SYN3: variants seen among roughly 807,000 people sequenced by gnomAD.
The protein encoded by SYN3 is synapsin-3.
Under a neutral mutation model 65.8 loss-of-function variants are expected in SYN3, and 35 were observed. The ratio of observed to expected loss-of-function variants is 0.53; its 90% CI spans 0.41 to 0.70. The LOEUF (loss-of-function observed/expected upper bound fraction) is 0.70, where lower values mean the gene tolerates loss of function less well. SYN3 is among the 30% of genes least tolerant of loss of function. SYN3 has a pLI of 0.00. For synonymous variants in SYN3, 270 were observed against 292.9 expected, an observed-to-expected ratio of 0.92 and a Z score of 0.80; for missense variants, 680 against 749.0, an observed-to-expected ratio of 0.91 and a Z score of 1.08.
At chr22:32,972,965 C>T (rs991981918) in intron 3 of SYN3, among the ~76,000 whole-genome samples, 1 of 152,124 alleles carries the variant, frequency 6.6e-6, no homozygotes, top group Non-Finnish European at 1.5e-5. Context: ...ACCATGATTA[C>T]ACCATTGCAC....
At chr22:33,007,906 G>T (rs2053238481) in intron 1 of SYN3, among the ~76,000 whole-genome samples, 1 of 151,880 alleles carries the variant, frequency 6.6e-6, no homozygotes, top group African/African-American at 2.4e-5. Context: ...CATGGAATTA[G>T]ATTTTATATT....
chr22:32,518,239 G>A lies in SYN3; in HGVS notation c.1414C>T (p.Gln472Ter), dbSNP rs150191113. The A allele has an allele frequency of 2.5e-6, 4 of 1,613,582 alleles. No individual in the cohort carries two copies. Among genetic ancestry groups the A allele is most frequent in the Non-Finnish European group, 3.4e-6 (4 of 1,179,862 alleles). Residue 472 changes from glutamine to a stop codon, truncating the protein, a stop_gained, in exon 13 of 14, where the codon CAG becomes TAG. Coordinates refer to ENST00000358763, the MANE Select transcript of SYN3 (RefSeq NM_003490.4). LOFTEE classifies it high-confidence loss of function. The stretch of plus-strand genomic sequence containing the variant: ...CTTTGCTGCTGTGGAGATCCGGACT[G>A]GGGGCTCAGGGGCTGCTGGCCTTGT... Reference protein sequence around the residue: ...SPQGQQPLSPQSGSPQQQRSP... With the variant: ...SPQGQQPLSP
At chr22:32,669,152 C>A (rs894488141) in intron 6 of SYN3, among the ~76,000 whole-genome samples, 4 of 151,904 alleles carry the variant, frequency 2.6e-5, no homozygotes, top group South Asian at 2.1e-4. Context: ...GGATTTGAAA[C>A]CGGGTTCTTA....
Position 32,541,616 on chromosome 22 carries a change from T to C in SYN3, c.872A>G (p.Tyr291Cys). The change falls in exon 8 of 14, where the codon TAC (tyrosine) becomes TGC (cysteine). Residue 291 changes from tyrosine to cysteine, a missense_variant. By Grantham distance (194) the Tyr-to-Cys change is radical. Coordinates refer to ENST00000358763, the MANE Select transcript of SYN3 (RefSeq NM_003490.4). ...ATTEAFIDSK[Y>C]DIRIQKIGSN... ...TCCAATTTTCTGGATGCGGATGTCG[T>C]ACTTGGAGTCGATGAAGGCCTCGGT... 2 of 1,614,082 alleles carry C rather than the reference T, an allele frequency of 1.2e-6. No individual in the cohort carries two copies. Among genetic ancestry groups the C allele is most frequent in the Non-Finnish European group, 1.7e-6 (2 of 1,180,016 alleles).
chr22:32,813,119 G>A (rs1601420647), intron 6 of SYN3, among the ~76,000 whole-genome samples: 3 of 152,286 alleles, frequency 2.0e-5, no homozygotes. Context: ...ACAGAAGCTG[G>A]ATATTTGAGT....
intron 6 of SYN3, among the ~76,000 whole-genome samples, chr22:32,809,356 G>T (rs1308702157): frequency 6.6e-6 from 1 of 152,160 alleles, no homozygotes; most frequent in Non-Finnish European, 1.5e-5. Flanking sequence ...CACTGTTGGG[G>T]TCCCCGTCAG....
At chr22:32,934,861 A>G (rs2050728682) in intron 3 of SYN3, among the ~76,000 whole-genome samples, 1 of 152,162 alleles carries the variant, frequency 6.6e-6, no homozygotes, top group South Asian at 2.1e-4. Flanking sequence ...TCCTTAGAAG[A>G]GAAGAGACGA....
chr22:32,772,897 A>G (rs1486336191), intron 6 of SYN3, among the ~76,000 whole-genome samples: 4 of 152,200 alleles, frequency 2.6e-5, no homozygotes, highest in African/African-American at 9.6e-5. Flanking sequence ...ACTGCGAGAC[A>G]AAAAATCTAG....
Position 32,723,177 on chromosome 22 carries a change from G to T in SYN3, c.712-126441C>A, listed in dbSNP as rs75861766. 2.8e-4 allele frequency among the ~76,000 whole-genome samples: 43 copies of T among 152,324 alleles called. No homozygotes were observed. The East Asian group carries it at 6.9e-3, about 25-fold the overall frequency. On this transcript the variant is annotated intron_variant, in intron 6 of 13. Transcript: ENST00000358763. Reference sequence around the variant, plus strand: ...GCCAGAAAGGTCTTATTTTGAGAGAGCCAGCAGCAAGGGCTCTGGAGCCAG... The same window carrying T: ...GCCAGAAAGGTCTTATTTTGAGAGATCCAGCAGCAAGGGCTCTGGAGCCAG...
chr22:33,020,767 G>C (rs1007525082), intron 1 of SYN3, among the ~76,000 whole-genome samples: 4 of 151,950 alleles, frequency 2.6e-5, no homozygotes, highest in Admixed American at 1.3e-4. Flanking sequence ...TCTGGTGCTG[G>C]ACACAGGTAG....
At chr22:33,039,648 C>T (rs140509379) in intron 1 of SYN3, among the ~76,000 whole-genome samples, 6 of 152,156 alleles carry the variant, frequency 3.9e-5, no homozygotes, top group East Asian at 3.9e-4. Flanking sequence ...TCATGTGATC[C>T]GCCCACCTTG....
rs59870538 is a variant in SYN3 at position 32,816,205 on chromosome 22, AG to A, written c.711+48709del. On this transcript the variant is annotated intron_variant, in intron 6 of 13. Coordinates refer to ENST00000358763, the MANE Select transcript of SYN3 (RefSeq NM_003490.4). ...TGGAAAGTGGTATGTGTCTAATTGC[AG>A]GGGCGGGGGTAGGGGGGAGGCCAGA... Among the ~76,000 whole-genome samples the A allele has an allele frequency of 9.8e-3, 1,486 of 152,116 alleles. 28 individuals carry two copies. Among genetic ancestry groups the A allele is most frequent in the African/African-American group, 0.034 (1,407 of 41,530 alleles).
At chr22:32,573,764 GT>G (rs1206847975) in intron 7 of SYN3, among the ~76,000 whole-genome samples, 24,148 of 108,528 alleles carry the variant, frequency 0.22, 1,435 homozygotes, top group African/African-American at 0.27. Flanking sequence ...GAAGGAAGGG[GT>G]TTTTTTTTTT....
At chr22:32,787,160 G>A (rs130553) in intron 6 of SYN3, among the ~76,000 whole-genome samples, 100,670 of 150,332 alleles carry the variant, frequency 0.67, 34,131 homozygotes, top group East Asian at 0.9. Flanking sequence ...TGATTGTCCT[G>A]TATCAGCCTC....
chr22:32,712,917 A>G (rs1397345085), intron 6 of SYN3, among the ~76,000 whole-genome samples: 1 of 152,070 alleles, frequency 6.6e-6, no homozygotes, highest in Admixed American at 6.5e-5. Context: ...GGCCTCTATC[A>G]CTTCCACTTG....
At chr22:32,644,582 C>G (rs78216625) in intron 6 of SYN3, among the ~76,000 whole-genome samples, 1 of 152,182 alleles carries the variant, frequency 6.6e-6, no homozygotes, top group Admixed American at 6.5e-5. Flanking sequence ...GACTGACGCT[C>G]GCACATGCAG....
chr22:32,925,082 A>T (rs2146658519), intron 4 of SYN3, among the ~76,000 whole-genome samples: 1 of 151,244 alleles, frequency 6.6e-6, no homozygotes, highest in African/African-American at 2.4e-5. Context: ...ACAGAGAGAG[A>T]CCCTGTCTCA....
At position 32,554,455 on chromosome 22, in the gene SYN3, A is replaced by G. The variant is rs182908346; in HGVS notation, c.775-12742T>C. On this transcript the variant is annotated intron_variant, in intron 7 of 13. Coordinates refer to ENST00000358763, the MANE Select transcript of SYN3 (RefSeq NM_003490.4). ...ATTTACTGCCTTTCTCCTCCACTAA[A>G]ATATAAGCTCATAAGACTAGGAACC... Among the ~76,000 whole-genome samples the G allele has an allele frequency of 9.2e-5, 14 of 152,246 alleles. 1 individual carries two copies. The East Asian group carries it at 2.7e-3, about 29-fold the overall frequency.
At chr22:32,955,246 A>G (rs1001876087) in intron 3 of SYN3, among the ~76,000 whole-genome samples, 3 of 152,176 alleles carry the variant, frequency 2.0e-5, no homozygotes, top group African/African-American at 7.2e-5. Flanking sequence ...TCACAGCTCC[A>G]GCTAAGCACC....
Sources: gnomAD v4.1 joint callset for allele counts (sites outside exome capture counted in the v4.1 genomes callset) on GRCh38, gnomAD v4.1.1 for gene constraint, MANE v1.5 for transcripts, NCBI Gene and HGNC (gene_info 2026-07-23, HGNC 2026-07-21) for gene names.